The following SYNJ1 variants were observed in gnomAD, a reference collection of about 807,000 sequenced individuals.
The protein encoded by SYNJ1 is polyphosphatidylinositol phosphatase SYNJ1.
In SYNJ1, 78 loss-of-function variants were observed where a neutral mutation model predicts 168.2. The observed-to-expected ratio is 0.46, with a 90% CI of 0.39 to 0.56. The LOEUF (loss-of-function observed/expected upper bound fraction) is 0.56. Among genes scored for constraint, SYNJ1 ranks in the 20% least tolerant of loss-of-function variants. The probability of loss-of-function intolerance (pLI) is 0.00; values close to 1 mark genes in which losing one functional copy is unlikely to be tolerated. For synonymous variants in SYNJ1, 539 were observed against 548.6 expected, an observed-to-expected ratio of 0.98 and a Z score of 0.24; for missense variants, 1,303 against 1,597.6, an observed-to-expected ratio of 0.82 and a Z score of 3.14.
intron 10 of SYNJ1, among the ~76,000 whole-genome samples, chr21:32,682,881 CTT>C (rs1275156396): frequency 6.6e-6 from 1 of 152,114 alleles, no homozygotes; most frequent in East Asian, 1.9e-4. Context: ...GTGATAAACT[CTT>C]ATCTAAATGA....
At chr21:32,642,263 C>A in intron 27 of SYNJ1, 130 bp from the exon 28 acceptor site, 1 of 951,388 alleles carries the variant, frequency 1.1e-6, no homozygotes, top group Non-Finnish European at 1.6e-6. Flanking sequence ...AAACAAAGCA[C>A]TTTGCTTTGT....
intron 11 of SYNJ1, among the ~76,000 whole-genome samples, chr21:32,679,678 C>T (rs920877804): frequency 3.9e-5 from 6 of 152,100 alleles, no homozygotes; most frequent in Non-Finnish European, 8.8e-5. Context: ...TTAAATGCCA[C>T]TAAATGAAGA....
At chr21:32,712,305 G>T (rs2042857879) in intron 2 of SYNJ1, among the ~76,000 whole-genome samples, 1 of 152,168 alleles carries the variant, frequency 6.6e-6, no homozygotes, top group African/African-American at 2.4e-5. Flanking sequence ...GGATCCTAGA[G>T]ATCATGTAAT....
intron 31 of SYNJ1, 82 bp downstream of exon 31, chr21:32,638,826 C>T: frequency 7.7e-7 from 1 of 1,303,104 alleles, no homozygotes; most frequent in East Asian, 2.4e-5. Context: ...CTTCTTATAA[C>T]AGGCAATAAT....
rs549227725 is a variant in SYNJ1, at chr21:32,629,917, G to A, written c.*1888C>T. 6.6e-6 allele frequency: 1 copy of A among 152,476 alleles called. No homozygotes were observed. The highest frequency in any genetic ancestry group is 1.5e-5 in the Non-Finnish European group (1 of 68,044). 9.4% of individuals were successfully genotyped at this position (152,476 alleles called of 1,614,324 possible). ...GATGTGTTATGTAGCCTCGTAAGAG[G>A]GGGGAGAACACACACTGGGTATATT... On this transcript the variant is annotated 3_prime_UTR_variant, in exon 33 of 33. Coordinates refer to ENST00000674351, the MANE Select transcript of SYNJ1 (RefSeq NM_203446.3).
intron 22 of SYNJ1, among the ~76,000 whole-genome samples, chr21:32,652,161 A>C (rs1370393465): frequency 6.6e-6 from 1 of 152,234 alleles, no homozygotes; most frequent in Admixed American, 6.5e-5. Flanking sequence ...AAAACAAACA[A>C]AACTCTACAA....
chr21:32,657,906 A>T, intron 18 of SYNJ1, 34 bp from the exon 19 acceptor site: 4 of 1,550,790 alleles, frequency 2.6e-6, no homozygotes, highest in Non-Finnish European at 3.5e-6. Flanking sequence ...AGTTATTCCC[A>T]AACAGCAACA....
chr21:32,718,151 A>G (rs1022808625), intron 2 of SYNJ1, among the ~76,000 whole-genome samples: 1 of 152,220 alleles, frequency 6.6e-6, no homozygotes, highest in African/African-American at 2.4e-5. Flanking sequence ...TTATAGGACA[A>G]GTTAGAACAT....
intron 15 of SYNJ1, among the ~76,000 whole-genome samples, chr21:32,670,007 A>G (rs536643247): frequency 2.0e-5 from 3 of 152,322 alleles, no homozygotes; most frequent in Non-Finnish European, 4.4e-5. Flanking sequence ...TAGGTTTATT[A>G]TTGTTTTTAA....
Position 32,656,690 on chromosome 21 carries a change from A to T in SYNJ1, c.2792T>A (p.Ile931Lys). 6.2e-7 allele frequency: 1 copy of T among 1,611,642 alleles called. No homozygotes were observed. Among genetic ancestry groups the T allele is most frequent in the Non-Finnish European group, 8.5e-7 (1 of 1,178,626 alleles). Reference sequence around the variant, plus strand: ...TTTTGCATAATAAACATCTTACCTTATAAGTATAACTTCACCAAAACTTGC... The same window carrying T: ...TTTTGCATAATAAACATCTTACCTTTTAAGTATAACTTCACCAAAACTTGC... ...QFASFGEVIL[I>K]RFVEDKMWVT... Residue 931 changes from isoleucine to lysine, a missense_variant, in exon 21 of 33, where the codon ATA becomes AAA. Coordinates refer to ENST00000674351, the MANE Select transcript of SYNJ1 (RefSeq NM_203446.3).
rs141107054 is a variant in SYNJ1 at position 32,646,431 on chromosome 21, C to T, written c.3209G>A (p.Arg1070Gln). ...PVPSLPIRPS[R>Q]APSRTPGPPS... is the part of the protein sequence containing the mutation. The stretch of plus-strand genomic sequence containing the variant: ...AGGCCCAGGAGTTCTTGACGGTGCT[C>T]GGCTTGGTCTGATGGGAAGGGAAGG... Residue 1070 changes from arginine (R) to glutamine (Q), a missense_variant, in exon 24 of 33, where the codon CGA (arginine) becomes CAA (glutamine). Physicochemically the swap from Arg to Gln is conservative, Grantham distance 43. Transcript: ENST00000674351. 1.5e-5 allele frequency: 25 copies of T among 1,613,962 alleles called. No homozygotes were observed. The highest frequency in any genetic ancestry group is 6.7e-5 in the African/African-American group (5 of 74,886).
In SYNJ1 at chr21:32,724,886, T is replaced by C. The variant is rs1382098605; in HGVS notation, c.124+1886A>G. On this transcript the variant is annotated intron_variant, in intron 2 of 32. Coordinates refer to ENST00000674351, the MANE Select transcript of SYNJ1 (RefSeq NM_203446.3). The stretch of plus-strand genomic sequence containing the variant: ...TACAGAAAGAGTCAATATTCCAACA[T>C]TTTTTTTCTGAATTGCTCACATAGT... Among the ~76,000 whole-genome samples the C allele has an allele frequency of 2.6e-5, 4 of 152,200 alleles. No individual in the cohort carries two copies. The East Asian group carries it at 7.7e-4, about 29-fold the overall frequency.
rs1254983956 is a variant in SYNJ1 at position 32,656,794 on chromosome 21, T to C, written c.2688A>G (p.Val896=). 6 of 1,614,040 alleles carry C rather than the reference T, an allele frequency of 3.7e-6. No individual in the cohort carries two copies. Among genetic ancestry groups the C allele is most frequent in the Non-Finnish European group, 5.1e-6 (6 of 1,180,022 alleles). ...GTAAAGAACTTTTGATTGAGACCAATACTGTACCATCTGGTGGACCCTGAA... is the reference window on the plus strand; with the variant it reads ...GTAAAGAACTTTTGATTGAGACCAACACTGTACCATCTGGTGGACCCTGAA... The part of the protein sequence containing the change: ...IAVQGPPDGT[V]LVSIKSSLPE... The change falls in exon 21 of 33, where the codon GTA becomes GTG. Residue 896 remains valine (V), a synonymous_variant. Coordinates refer to ENST00000674351, the MANE Select transcript of SYNJ1 (RefSeq NM_203446.3).
Position 32,642,129 on chromosome 21 carries a change from G to A in SYNJ1, c.3483C>T (p.Pro1161=), listed in dbSNP as rs1308080766. 1.2e-6 allele frequency: 2 copies of A among 1,613,944 alleles called. No homozygotes were observed. Among genetic ancestry groups the A allele is most frequent in the South Asian group, 1.1e-5 (1 of 91,056 alleles). ...PGVARREMEA[P]KSPGTTRKDN... The stretch of plus-strand genomic sequence containing the variant: ...CTTTCCTTGTTGTTCCAGGGCTTTT[G>A]GGTGCTTTGAAGCAAGAAGGGAAAA... Residue 1161 remains proline (P), a synonymous_variant, in exon 28 of 33, where the codon CCC becomes CCT. Coordinates refer to ENST00000674351, the MANE Select transcript of SYNJ1 (RefSeq NM_203446.3).
chr21:32,638,155 A>G (rs1167558796), intron 31 of SYNJ1, among the ~76,000 whole-genome samples: 2 of 152,116 alleles, frequency 1.3e-5, no homozygotes, highest in East Asian at 3.9e-4. Flanking sequence ...TGCAGCCTTG[A>G]TGTCCTGGGC....
intron 13 of SYNJ1, among the ~76,000 whole-genome samples, chr21:32,674,169 T>A (rs2145987294): frequency 6.6e-6 from 1 of 152,294 alleles, no homozygotes; most frequent in African/African-American, 2.4e-5. Flanking sequence ...ACCCTCATCT[T>A]CCACTCTCCC....
chr21:32,667,672 C>T (rs1056067439), intron 15 of SYNJ1, among the ~76,000 whole-genome samples: 1 of 151,998 alleles, frequency 6.6e-6, no homozygotes, highest in African/African-American at 2.4e-5. Context: ...TGAGCTCAAG[C>T]GATCCTCCCA....
At chr21:32,637,404 T>C (rs1412380429) in intron 31 of SYNJ1, among the ~76,000 whole-genome samples, 1 of 141,560 alleles carries the variant, frequency 7.1e-6, no homozygotes, top group Non-Finnish European at 1.5e-5. Flanking sequence ...TTTTTCTTTT[T>C]TCTTTTTTTT....
chr21:32,634,809 A>T, intron 32 of SYNJ1, 52 bp downstream of exon 32: 1 of 1,586,168 alleles, frequency 6.3e-7, no homozygotes, highest in Non-Finnish European at 8.7e-7. Context: ...TCATACATCT[A>T]ATGTGTTGAG....
Sources: allele counts gnomAD v4.1 joint callset (sites outside exome capture counted in the v4.1 genomes callset), GRCh38; gene constraint gnomAD v4.1.1; transcripts MANE v1.5; gene names NCBI Gene and HGNC (gene_info 2026-07-23, HGNC 2026-07-21).